DDX60: variants seen among roughly 807,000 people sequenced by gnomAD.
DDX60 encodes the protein DExD/H-box helicase 60.
In DDX60, 165 loss-of-function variants were observed where a neutral mutation model predicts 212.8. That is an observed-to-expected ratio of 0.78 (90% CI 0.68 to 0.88). The LOEUF (loss-of-function observed/expected upper bound fraction) is 0.88. Ranked by LOEUF, DDX60 falls within the 40% of genes least tolerant of loss-of-function variation. The pLI is 0.00. For synonymous variants in DDX60, 703 were observed against 685.3 expected (o/e 1.03, Z -0.40); for missense variants, 1,905 against 2,003.9 (o/e 0.95, Z 0.94).
chr4:168,278,220 C>T (rs1163866639), intron 14 of DDX60, among the ~76,000 whole-genome samples: 1 of 152,162 alleles, frequency 6.6e-6, no homozygotes, highest in African/African-American at 2.4e-5. Flanking sequence ...CTAAGATCTA[C>T]AGTCAGAAAC....
rs72693106 is a variant in DDX60, at chr4:168,219,592, G to A, written c.5039+1063C>T. Among the ~76,000 whole-genome samples, 238 of 152,234 alleles carry A rather than the reference G, an allele frequency of 1.6e-3. 1 individual carries two copies. Among genetic ancestry groups the A allele is most frequent in the Middle Eastern group, 3.4e-3 (1 of 294 alleles). On this transcript the variant is annotated intron_variant, in intron 37 of 37. Coordinates refer to ENST00000393743, the MANE Select transcript of DDX60 (RefSeq NM_017631.6). ...CTGTTATAAAAAGTCCAAACAGGCC[G>A]ATTCTGCTCAGATCCAAGATATAAA...
intron 8 of DDX60, among the ~76,000 whole-genome samples, chr4:168,290,778 T>C (rs1253060900): frequency 6.6e-6 from 1 of 152,224 alleles, no homozygotes; most frequent in African/African-American, 2.4e-5. Context: ...ATCTGTCTTC[T>C]GTGGAAAATG....
intron 22 of DDX60, among the ~76,000 whole-genome samples, chr4:168,267,194 T>C (rs988061737): frequency 5.3e-5 from 8 of 152,178 alleles, no homozygotes; most frequent in African/African-American, 1.4e-4. Context: ...TTTTACCTGA[T>C]TTTTCTATGT....
At chr4:168,260,829 A>G (rs1397869874) in intron 25 of DDX60, 36 bp downstream of exon 25, 1 of 1,575,526 alleles carries the variant, frequency 6.3e-7, no homozygotes, top group East Asian at 2.2e-5. Flanking sequence ...GTCTAATACA[A>G]TTACAAGCAA....
At chr4:168,294,068 A>G in intron 6 of DDX60, 123 bp from the exon 7 acceptor site, 1 of 778,778 alleles carries the variant, frequency 1.3e-6, no homozygotes, top group Non-Finnish European at 1.9e-6. Flanking sequence ...TGTACAACAA[A>G]CCCCCGTGAC....
chr4:168,321,211 G>A (rs911779460), upstream of DDX60, among the ~76,000 whole-genome samples: 4 of 151,892 alleles, frequency 2.6e-5, no homozygotes, highest in African/African-American at 9.7e-5. Flanking sequence ...AAGCTTGATA[G>A]TCACGTACTT....
At chr4:168,261,755 C>A (rs1391122735) in intron 24 of DDX60, among the ~76,000 whole-genome samples, 1 of 152,196 alleles carries the variant, frequency 6.6e-6, no homozygotes, top group Non-Finnish European at 1.5e-5. Context: ...CTGTTCTTAT[C>A]TGCTATGCCA....
In DDX60 at chr4:168,237,289, T is replaced by C. The variant is rs1184679022; in HGVS notation, c.4408A>G (p.Lys1470Glu). The C allele has an allele frequency of 5.8e-6, 9 of 1,542,186 alleles. No homozygotes were observed. Among genetic ancestry groups the C allele is most frequent in the Non-Finnish European group, 7.9e-6 (9 of 1,145,402 alleles). ...LFHDLCQPTR[K>E]GSKHFSQDVM... The stretch of plus-strand genomic sequence containing the variant: ...ATATATAAAATCTCAAGCTTACCTT[T>C]CCTGGTTGGCTGACAGAGATCATGG... Residue 1470 changes from lysine (K) to glutamate (E), a missense_variant, in exon 32 of 38, where the codon AAA becomes GAA. Physicochemically the swap from Lys to Glu is moderately conservative, Grantham distance 56 (BLOSUM62 1). Transcript: ENST00000393743.
At chr4:168,276,738 T>C (rs1735358819) in intron 14 of DDX60, among the ~76,000 whole-genome samples, 1 of 152,214 alleles carries the variant, frequency 6.6e-6, no homozygotes, top group Non-Finnish European at 1.5e-5. Flanking sequence ...TTCATACTTA[T>C]TATGTCAGGG....
rs547632307 is a variant in DDX60, at chr4:168,216,694, C to T, written c.*239G>A. 1.0e-4 allele frequency: 33 copies of T among 327,898 alleles called. 2 individuals carry two copies. In the South Asian group the frequency reaches 1.7e-3, roughly 16 times the overall value. The allele number at this position is 327,898 out of a possible 1,614,324, so 20.3% of individuals were successfully genotyped here. The stretch of plus-strand genomic sequence containing the variant: ...ACTACCTGAGATGTAACCATTATTA[C>T]TCAGTTATAAAAAGAAACCAAGATT... On this transcript the variant is annotated 3_prime_UTR_variant, in exon 38 of 38. Transcript: ENST00000393743.
In DDX60 at chr4:168,262,084, G is replaced by T. The variant is rs139933445; in HGVS notation, c.3189C>A (p.Val1063=). 2,608 of 1,596,612 alleles carry T rather than the reference G, an allele frequency of 1.6e-3. 8 individuals are homozygous for T. Among genetic ancestry groups the T allele is most frequent in the Non-Finnish European group, 2.1e-3 (2,434 of 1,174,408 alleles). ...ATTTCCTAGCATCCATCTTTTTAAT[G>T]ACTAATTTATTGTTAAAATGAATGA... ...ENFIHFNNKL[V]IKKMDARKYE... is the part of the protein sequence containing the mutation. The change falls in exon 24 of 38, where the codon GTC becomes GTA. Residue 1063 remains valine, a synonymous_variant. Transcript: ENST00000393743.
At chr4:168,257,693 T>A (rs1222207028) in intron 25 of DDX60, among the ~76,000 whole-genome samples, 1 of 152,176 alleles carries the variant, frequency 6.6e-6, no homozygotes, top group African/African-American at 2.4e-5. Flanking sequence ...ATCTCTCTGA[T>A]AACCTACATT....
intron 3 of DDX60, among the ~76,000 whole-genome samples, chr4:168,310,394 C>T (rs1304828042): frequency 6.6e-6 from 1 of 152,122 alleles, no homozygotes; most frequent in Non-Finnish European, 1.5e-5. Flanking sequence ...ATGATCCACT[C>T]CCACTTAATA....
chr4:168,271,133 T>C (rs1369759310), intron 19 of DDX60, among the ~76,000 whole-genome samples: 2 of 152,140 alleles, frequency 1.3e-5, no homozygotes, highest in South Asian at 4.1e-4. Context: ...CCACCTCAGC[T>C]TCCCACAGTC....
chr4:168,232,790 A>G (rs1024597563), intron 33 of DDX60, among the ~76,000 whole-genome samples: 5 of 152,132 alleles, frequency 3.3e-5, no homozygotes, highest in African/African-American at 4.8e-5. Flanking sequence ...CCTTCTAGAC[A>G]TTGGCTTAGA....
intron 36 of DDX60, 103 bp from the exon 37 acceptor site, chr4:168,220,820 G>T (rs76554567): frequency 0.011 from 5,995 of 554,824 alleles, 285 homozygotes; most frequent in African/African-American, 0.11. Flanking sequence ...GCTTTTGTCT[G>T]TCAAGATCTC....
At chr4:168,279,704 A>G (rs1321197671) in intron 14 of DDX60, among the ~76,000 whole-genome samples, 1 of 152,232 alleles carries the variant, frequency 6.6e-6, no homozygotes, top group Non-Finnish European at 1.5e-5. Flanking sequence ...AACGTGTTTG[A>G]TAAAGAAGTG....
intron 3 of DDX60, among the ~76,000 whole-genome samples, chr4:168,309,429 T>C (rs896830886): frequency 2.6e-5 from 4 of 152,156 alleles, no homozygotes; most frequent in African/African-American, 7.2e-5. Context: ...AGGACCATTG[T>C]AAAAAAATTT....
At chr4:168,259,133 T>C (rs966297982) in intron 25 of DDX60, among the ~76,000 whole-genome samples, 3 of 152,196 alleles carry the variant, frequency 2.0e-5, no homozygotes, top group Admixed American at 6.5e-5. Context: ...ACTACATACA[T>C]GTGCATGCTT....
Sources: allele counts gnomAD v4.1 joint callset (sites outside exome capture counted in the v4.1 genomes callset), GRCh38; gene constraint gnomAD v4.1.1; transcripts MANE v1.5; gene names NCBI Gene and HGNC (gene_info 2026-07-23, HGNC 2026-07-21).